The following SLC24A4 variants were observed in gnomAD, a reference collection of about 807,000 sequenced individuals.
SLC24A4 encodes the protein solute carrier family 24 member 4, also known as sodium/potassium/calcium exchanger 4.
A neutral mutation model predicts 79.0 loss-of-function variants in SLC24A4; 53 were observed. That is an observed-to-expected ratio of 0.67 (90% CI 0.54 to 0.84). The LOEUF (loss-of-function observed/expected upper bound fraction) is 0.84. Ranked by LOEUF, SLC24A4 falls within the 40% of genes least tolerant of loss-of-function variation. The pLI, the probability that SLC24A4 is intolerant of heterozygous loss-of-function variation, is 0.00. For synonymous variants in SLC24A4, 323 were observed against 323.8 expected, an observed-to-expected ratio of 1.00 and a Z score of 0.03; for missense variants, 731 against 822.0, an observed-to-expected ratio of 0.89 and a Z score of 1.35.
chr14:92,415,436 AT>A (rs1180083171), intron 2 of SLC24A4, among the ~76,000 whole-genome samples: 1 of 151,830 alleles, frequency 6.6e-6, no homozygotes, highest in Non-Finnish European at 1.5e-5. Flanking sequence ...TTTATTTTTT[AT>A]GTTTTTATTT....
intron 2 of SLC24A4, among the ~76,000 whole-genome samples, chr14:92,328,893 G>A (rs1050186395): frequency 6.6e-6 from 1 of 152,266 alleles, no homozygotes; most frequent in African/African-American, 2.4e-5. Flanking sequence ...AATCGGCGAG[G>A]TTGGGCACCT....
Position 92,442,170 on chromosome 14 carries a change from A to T in SLC24A4, c.475A>T (p.Ile159Phe). The T allele has an allele frequency of 1.9e-6, 3 of 1,613,070 alleles. No individual in the cohort carries two copies. The highest frequency in any genetic ancestry group is 2.5e-6 in the Non-Finnish European group (3 of 1,179,460). Residue 159 changes from isoleucine to phenylalanine, a missense_variant, in exon 5 of 17, where the codon ATT becomes TTT. By Grantham distance (21) the Ile-to-Phe change is conservative. Coordinates refer to ENST00000532405, the MANE Select transcript of SLC24A4 (RefSeq NM_153646.4). ...SSTPELFASV[I>F]GVFITHGDVG... ...AACGCCAGAGCTGTTTGCGTCTGTT[A>T]TTGGTAAGAAATCCCCTCCAGCCTG...
chr14:92,416,625 C>T (rs369513536), intron 2 of SLC24A4, among the ~76,000 whole-genome samples: 141 of 152,314 alleles, frequency 9.3e-4, no homozygotes, highest in African/African-American at 3.2e-3. Flanking sequence ...TCATCTGGCT[C>T]AGCTGCTATT....
chr14:92,367,016 T>G (rs968582140), intron 2 of SLC24A4, among the ~76,000 whole-genome samples: 1 of 152,112 alleles, frequency 6.6e-6, no homozygotes, highest in African/African-American at 2.4e-5. Context: ...TGCACAGCTT[T>G]GGGGTGGGAC....
intron 2 of SLC24A4, among the ~76,000 whole-genome samples, chr14:92,378,569 C>T (rs1888651316): frequency 6.6e-6 from 1 of 152,176 alleles, no homozygotes; most frequent in Admixed American, 6.5e-5. Flanking sequence ...GTCCAGCTTT[C>T]TGTTAGATTG....
intron 12 of SLC24A4, among the ~76,000 whole-genome samples, chr14:92,461,821 A>G (rs890518923): frequency 1.3e-5 from 2 of 152,184 alleles, no homozygotes; most frequent in African/African-American, 4.8e-5. Flanking sequence ...GCCTTGCCAC[A>G]GAACGAGGTA....
chr14:92,419,803 A>G (rs1198757043), intron 2 of SLC24A4, among the ~76,000 whole-genome samples: 1 of 152,168 alleles, frequency 6.6e-6, no homozygotes, highest in East Asian at 1.9e-4. Flanking sequence ...GTCAACACAT[A>G]ATGAGGGCTG....
chr14:92,429,993 T>G (rs1479412167), intron 2 of SLC24A4, among the ~76,000 whole-genome samples: 1 of 152,232 alleles, frequency 6.6e-6, no homozygotes, highest in Non-Finnish European at 1.5e-5. Context: ...CACTGTCTCT[T>G]GGTCGTCTGT....
At chr14:92,383,063 A>C (rs1175566216) in intron 2 of SLC24A4, among the ~76,000 whole-genome samples, 1 of 151,832 alleles carries the variant, frequency 6.6e-6, no homozygotes, top group African/African-American at 2.4e-5. Context: ...TGGACCCCTG[A>C]GTAGTTGGCC....
rs568896337 is a variant in SLC24A4 at position 92,483,722 on chromosome 14, T to A, written c.1422+876T>A. On this transcript the variant is annotated intron_variant, in intron 13 of 16. Transcript: ENST00000532405. ...TGGGGTCCCTTCTTCTCCTCCTCAT[T>A]CCCAGGAGCAAAGAGAGGGGAAGCA... 3 of 1,289,442 alleles carry A rather than the reference T, an allele frequency of 2.3e-6. No individual in the cohort carries two copies. The African/African-American group carries it at 4.6e-5, about 20-fold the overall frequency. 79.9% of individuals were successfully genotyped at this position (1,289,442 alleles called of 1,614,324 possible).
At chr14:92,344,844 G>A (rs1352465231) in intron 2 of SLC24A4, among the ~76,000 whole-genome samples, 1 of 152,178 alleles carries the variant, frequency 6.6e-6, no homozygotes, top group Non-Finnish European at 1.5e-5. Context: ...AGGGCGGGAT[G>A]GAGCCAGTGT....
intron 9 of SLC24A4, among the ~76,000 whole-genome samples, chr14:92,448,862 T>C (rs1420955930): frequency 6.6e-6 from 1 of 152,092 alleles, no homozygotes; most frequent in Admixed American, 6.5e-5. Context: ...ACCAGCTCAA[T>C]AGGAGCAGGT....
chr14:92,383,326 C>T (rs961328531), intron 2 of SLC24A4, among the ~76,000 whole-genome samples: 43 of 152,210 alleles, frequency 2.8e-4, no homozygotes, highest in Non-Finnish European at 2.8e-4. Flanking sequence ...TGGAGGGGGC[C>T]GGGAGGCAGG....
chr14:92,322,608 CTCTGCCCCG>C (rs1884856679), upstream of SLC24A4: 1 of 152,780 alleles, frequency 6.5e-6, no homozygotes, highest in Non-Finnish European at 1.5e-5. Flanking sequence ...TGGTTCCCCT[CTCTGCCCCG>C]TCTCCAGCTT....
intron 2 of SLC24A4, among the ~76,000 whole-genome samples, chr14:92,337,572 T>C (rs4600402): frequency 0.21 from 31,958 of 152,190 alleles, 3,684 homozygotes; most frequent in African/African-American, 0.3. Context: ...GGAGCCAAAC[T>C]ATCTGGTTTC....
intron 2 of SLC24A4, among the ~76,000 whole-genome samples, chr14:92,377,562 C>T (rs1888589036): frequency 6.6e-6 from 1 of 152,190 alleles, no homozygotes; most frequent in Non-Finnish European, 1.5e-5. Context: ...CAGGAGGAGA[C>T]AGCCGTGGCT....
At chr14:92,418,087 T>C (rs988983768) in intron 2 of SLC24A4, among the ~76,000 whole-genome samples, 12 of 152,188 alleles carry the variant, frequency 7.9e-5, no homozygotes, top group African/African-American at 2.7e-4. Context: ...ATATAATGAA[T>C]GGACTCAGGC....
chr14:92,428,840 A>G (rs568515518), intron 2 of SLC24A4, among the ~76,000 whole-genome samples: 8 of 152,354 alleles, frequency 5.3e-5, no homozygotes, highest in East Asian at 3.9e-4. Context: ...CAAAGAAGCT[A>G]AGCAAGAATG....
chr14:92,351,028 T>C (rs1010732497), intron 2 of SLC24A4, among the ~76,000 whole-genome samples: 4 of 152,194 alleles, frequency 2.6e-5, no homozygotes, highest in African/African-American at 7.2e-5. Flanking sequence ...CCCAACTATA[T>C]TGGCAAGTTG....
Sources: gnomAD v4.1 joint callset for allele counts (sites outside exome capture counted in the v4.1 genomes callset) on GRCh38, gnomAD v4.1.1 for gene constraint, MANE v1.5 for transcripts, NCBI Gene and HGNC (gene_info 2026-07-23, HGNC 2026-07-21) for gene names.